The following DOCK3 variants were observed in gnomAD, a reference collection of about 807,000 sequenced individuals.
DOCK3 encodes the protein dedicator of cytokinesis 3, also known as dedicator of cytokinesis protein 3.
A neutral mutation model predicts 265.6 loss-of-function variants in DOCK3; 60 were observed. The observed-to-expected ratio is 0.23, with a 90% CI of 0.18 to 0.28. The LOEUF is 0.28. Among genes scored for constraint, DOCK3 ranks in the 10% least tolerant of loss-of-function variants. DOCK3 has a pLI of 1.00. For synonymous variants in DOCK3, 881 were observed against 938.0 expected, an observed-to-expected ratio of 0.94 and a Z score of 1.11; for missense variants, 1,981 against 2,594.3, an observed-to-expected ratio of 0.76 and a Z score of 5.14.
intron 12 of DOCK3, among the ~76,000 whole-genome samples, chr3:51,199,781 C>A (rs2088587380): frequency 1.3e-5 from 2 of 152,062 alleles, no homozygotes; most frequent in African/African-American, 4.8e-5. Context: ...GGGAGGCACC[C>A]CCCAGTAGGG....
chr3:50,749,028 G>C (rs1321919963), intron 1 of DOCK3, among the ~76,000 whole-genome samples: 1 of 152,048 alleles, frequency 6.6e-6, no homozygotes, highest in Non-Finnish European at 1.5e-5. Context: ...CTGCCTGCCT[G>C]CCTTCTTTCC....
At chr3:50,958,724 C>G (rs2076798881) in intron 5 of DOCK3, among the ~76,000 whole-genome samples, 1 of 152,136 alleles carries the variant, frequency 6.6e-6, no homozygotes, top group African/African-American at 2.4e-5. Flanking sequence ...TGGGCTACAA[C>G]AGTAAATAAA....
intron 2 of DOCK3, among the ~76,000 whole-genome samples, chr3:50,824,926 C>T (rs370087919): frequency 6.6e-6 from 1 of 152,152 alleles, no homozygotes; most frequent in Admixed American, 6.5e-5. Context: ...TTTAATCCTT[C>T]TTGCAATTTT....
At chr3:50,728,902 TA>T (rs1385692492) in intron 1 of DOCK3, among the ~76,000 whole-genome samples, 1 of 4,762 alleles carries the variant, frequency 2.1e-4, no homozygotes, top group African/African-American at 1.0e-3. Flanking sequence ...TTTATATTTT[TA>T]GTGGAGATGG....
chr3:51,227,156 A>G, intron 15 of DOCK3, 127 bp from the exon 16 acceptor site: 1 of 975,972 alleles, frequency 1.0e-6, no homozygotes, highest in Non-Finnish European at 1.5e-6. Flanking sequence ...GCATTTTCTT[A>G]TCTCATAGAT....
intron 5 of DOCK3, among the ~76,000 whole-genome samples, chr3:50,996,759 A>G (rs1165739627): frequency 6.6e-6 from 1 of 152,122 alleles, no homozygotes; most frequent in African/African-American, 2.4e-5. Context: ...TCTCCATACA[A>G]CAGGAGCCAT....
At chr3:50,946,668 TAAG>T (rs766761336) in intron 5 of DOCK3, among the ~76,000 whole-genome samples, 65 of 152,288 alleles carry the variant, frequency 4.3e-4, no homozygotes, top group Middle Eastern at 3.4e-3. Context: ...CTATAAGAAA[TAAG>T]AAGTAGTTTG....
intron 27 of DOCK3, among the ~76,000 whole-genome samples, chr3:51,295,069 A>T: frequency 6.6e-6 from 1 of 152,350 alleles, no homozygotes; most frequent in African/African-American, 2.4e-5. Flanking sequence ...ATACACCCTT[A>T]AATGGTATAA....
At chr3:51,086,047 A>T (rs1218449464) in intron 7 of DOCK3, among the ~76,000 whole-genome samples, 1 of 152,080 alleles carries the variant, frequency 6.6e-6, no homozygotes, top group African/African-American at 2.4e-5. Flanking sequence ...CAGGAGTCTC[A>T]CAGCCTTCAG....
intron 1 of DOCK3, among the ~76,000 whole-genome samples, chr3:50,724,675 G>A (rs1036765047): frequency 2.6e-5 from 4 of 151,892 alleles, no homozygotes; most frequent in Admixed American, 1.3e-4. Context: ...ATCACACACC[G>A]GGGCCTGTCG....
intron 1 of DOCK3, among the ~76,000 whole-genome samples, chr3:50,762,093 C>T (rs556545627): frequency 6.6e-6 from 1 of 152,150 alleles, no homozygotes; most frequent in Admixed American, 6.5e-5. Context: ...ACATCACACA[C>T]CGGGGCCTGT....
At chr3:51,096,494 A>G (rs565142916) in intron 9 of DOCK3, among the ~76,000 whole-genome samples, 1 of 152,096 alleles carries the variant, frequency 6.6e-6, no homozygotes, top group Non-Finnish European at 1.5e-5. Context: ...CTGCCCCATC[A>G]GGTCATTTAT....
chr3:51,220,773 T>C (rs1385286877), intron 14 of DOCK3, among the ~76,000 whole-genome samples: 2 of 145,786 alleles, frequency 1.4e-5, no homozygotes, highest in African/African-American at 5.1e-5. Context: ...GAAGTGTGAG[T>C]AATTTATACA....
chr3:51,305,737 T>C (rs1041350300), intron 27 of DOCK3, among the ~76,000 whole-genome samples: 3 of 145,604 alleles, frequency 2.1e-5, no homozygotes, highest in Admixed American at 6.9e-5. Flanking sequence ...TGTGTGCGCG[T>C]GTGTGTGTGT....
intron 49 of DOCK3, among the ~76,000 whole-genome samples, chr3:51,367,480 G>A (rs1055198226): frequency 6.6e-6 from 1 of 152,172 alleles, no homozygotes; most frequent in Non-Finnish European, 1.5e-5. Context: ...GGAGCAGTTA[G>A]CCCATTTACA....
At chr3:50,848,575 T>C (rs1178825504) in intron 3 of DOCK3, among the ~76,000 whole-genome samples, 4 of 152,200 alleles carry the variant, frequency 2.6e-5, no homozygotes, top group Non-Finnish European at 4.4e-5. Context: ...ATGAAATTCT[T>C]GGTTGGAATT....
At chr3:50,982,635 G>T (rs2077735506) in intron 5 of DOCK3, among the ~76,000 whole-genome samples, 1 of 152,238 alleles carries the variant, frequency 6.6e-6, no homozygotes, top group South Asian at 2.1e-4. Flanking sequence ...AGGAGGTGGA[G>T]CTGGGCCTGG....
At chr3:51,059,493 A>C (rs9311464) in intron 5 of DOCK3, among the ~76,000 whole-genome samples, 1,241 of 121,248 alleles carry the variant, frequency 0.01, 15 homozygotes, top group African/African-American at 0.036. Context: ...ACACACACAC[A>C]CCCCACATCC....
chr3:50,913,152 T>C (rs1160921428), intron 4 of DOCK3, among the ~76,000 whole-genome samples: 2 of 152,048 alleles, frequency 1.3e-5, no homozygotes, highest in Non-Finnish European at 2.9e-5. Flanking sequence ...CCGAGGGCTT[T>C]TCAGTTAGCA....
Sources: gnomAD v4.1 joint callset for allele counts (sites outside exome capture counted in the v4.1 genomes callset) on GRCh38, gnomAD v4.1.1 for gene constraint, MANE v1.5 for transcripts, NCBI Gene and HGNC (gene_info 2026-07-23, HGNC 2026-07-21) for gene names.